The following ZFYVE1 variants were observed in gnomAD, a reference collection of about 807,000 sequenced individuals.
ZFYVE1 encodes zinc finger FYVE domain-containing protein 1.
Under a neutral mutation model 74.4 loss-of-function variants are expected in ZFYVE1, and 30 were observed. The ratio of observed to expected loss-of-function variants is 0.40; its 90% CI spans 0.30 to 0.55. The LOEUF (loss-of-function observed/expected upper bound fraction) is 0.55, where lower values mean the gene tolerates loss of function less well. ZFYVE1 is among the 20% of genes least tolerant of loss of function. The pLI is 0.42. For synonymous variants in ZFYVE1, 335 were observed against 385.1 expected (o/e 0.87, Z 1.52); for missense variants, 703 against 1,011.6 (o/e 0.69, Z 4.14).
intron 2 of ZFYVE1, among the ~76,000 whole-genome samples, chr14:73,011,313 C>A (rs942969051): frequency 6.6e-6 from 1 of 151,812 alleles, no homozygotes; most frequent in Non-Finnish European, 1.5e-5. Flanking sequence ...TGACAAAACC[C>A]CATCTCTACT....
intron 2 of ZFYVE1, among the ~76,000 whole-genome samples, chr14:73,007,075 A>C (rs974355271): frequency 6.6e-6 from 1 of 152,114 alleles, no homozygotes; most frequent in African/African-American, 2.4e-5. Flanking sequence ...CTGCGACCCA[A>C]GCAGGCCAAG....
chr14:72,976,796 A>T (rs1475243324), intron 8 of ZFYVE1, among the ~76,000 whole-genome samples: 1 of 151,956 alleles, frequency 6.6e-6, no homozygotes, highest in Non-Finnish European at 1.5e-5. Context: ...AAAAAAAAAA[A>T]AAAGTTTAAA....
chr14:73,019,420 A>AT (rs1894269003), intron 2 of ZFYVE1, among the ~76,000 whole-genome samples: 1 of 152,080 alleles, frequency 6.6e-6, no homozygotes. Flanking sequence ...CATCTAAAAA[A>AT]AAAATCCCTA....
intron 2 of ZFYVE1, among the ~76,000 whole-genome samples, chr14:73,016,131 T>C (rs1894196722): frequency 6.6e-6 from 1 of 151,946 alleles, no homozygotes; most frequent in Non-Finnish European, 1.5e-5. Flanking sequence ...CTTCTGACCT[T>C]TAACTTATTT....
chr14:72,983,038 T>A (rs1778556003), intron 4 of ZFYVE1, among the ~76,000 whole-genome samples: 1 of 152,008 alleles, frequency 6.6e-6, no homozygotes, highest in Non-Finnish European at 1.5e-5. Flanking sequence ...AGAAATGAGG[T>A]TTCACCATTT....
At chr14:73,016,710 C>T (rs576747953) in intron 2 of ZFYVE1, among the ~76,000 whole-genome samples, 3 of 149,310 alleles carry the variant, frequency 2.0e-5, no homozygotes, top group African/African-American at 4.9e-5. Context: ...GGTGAAACCT[C>T]GTCTCTACTA....
At chr14:72,997,191 CCT>C (rs1484642721) in intron 3 of ZFYVE1, among the ~76,000 whole-genome samples, 1 of 152,152 alleles carries the variant, frequency 6.6e-6, no homozygotes, top group Non-Finnish European at 1.5e-5. Context: ...TACATTCTTC[CCT>C]CTCTAATGAA....
rs768494702 is a variant in ZFYVE1 at position 72,993,363 on chromosome 14, C to T, written c.989-6G>A. The T allele has an allele frequency of 6.3e-7, 1 of 1,599,638 alleles. No homozygotes were observed. The highest frequency in any genetic ancestry group is 8.5e-7 in the Non-Finnish European group (1 of 1,173,578). On this transcript the variant is annotated splice_region_variant and splice_polypyrimidine_tract_variant and intron_variant, in intron 3 of 11. Coordinates refer to ENST00000556143, the MANE Select transcript of ZFYVE1 (RefSeq NM_021260.4). ...TGGCACCTCTGAGGGATGATCTATA[C>T]AAGCAGAAACACAGGCACATGGGTA... is the stretch of plus-strand genomic sequence containing the variant.
At chr14:72,993,021 C>T in intron 4 of ZFYVE1, 122 bp downstream of exon 4, 2 of 983,308 alleles carry the variant, frequency 2.0e-6, no homozygotes, top group Non-Finnish European at 2.9e-6. Context: ...TGTGCTTCCG[C>T]TTCTTATAAC....
intron 11 of ZFYVE1, among the ~76,000 whole-genome samples, chr14:72,972,303 A>C (rs1395341583): frequency 6.6e-6 from 1 of 152,214 alleles, no homozygotes; most frequent in Non-Finnish European, 1.5e-5. Flanking sequence ...AGAAGAAAGA[A>C]CATGCCTGAC....
intron 2 of ZFYVE1, among the ~76,000 whole-genome samples, chr14:73,011,216 G>A (rs1894085035): frequency 6.6e-6 from 1 of 151,354 alleles, no homozygotes; most frequent in African/African-American, 2.4e-5. Context: ...CTGGGGAGGT[G>A]GCTCACACCT....
rs1892985449 is a variant in ZFYVE1, at chr14:72,969,882, TCA to T, written c.*998_*999del. 3 of 616,534 alleles carry T rather than the reference TCA, an allele frequency of 4.9e-6. No individual in the cohort carries two copies. Among genetic ancestry groups the T allele is most frequent in the Non-Finnish European group, 8.6e-6 (3 of 347,764 alleles). The allele number at this position is 616,534 out of a possible 1,614,324, so 38.2% of individuals were successfully genotyped here. A position where few individuals can be genotyped will look rare whatever the true frequency, so the allele number is the denominator to read the frequency against. Reference sequence around the variant, plus strand: ...AAACAACTAACAGTTCATCCTGTGCTCAGTTTCCCTGGAAGGTTTCTCATGAT... The same window carrying T: ...AAACAACTAACAGTTCATCCTGTGCTGTTTCCCTGGAAGGTTTCTCATGAT... On this transcript the variant is annotated 3_prime_UTR_variant, in exon 12 of 12. Coordinates refer to ENST00000556143, the MANE Select transcript of ZFYVE1 (RefSeq NM_021260.4).
At position 72,970,960 on chromosome 14, in the gene ZFYVE1, G is replaced by A. The variant is rs151299774; in HGVS notation, c.2256C>T (p.Arg752=). Residue 752 remains arginine (R), a synonymous_variant, in exon 12 of 12, where the codon CGC becomes CGT. Transcript: ENST00000556143. ...QGFCDECSHD[R]RAVPSRGWDH... ...CCCAGCCACGAGAAGGAACAGCCCG[G>A]CGGTCATGGGAGCACTCATCACAGA... 4.3e-6 allele frequency: 7 copies of A among 1,614,260 alleles called. No individual in the cohort carries two copies. Among genetic ancestry groups the A allele is most frequent in the Middle Eastern group, 1.6e-4 (1 of 6,062 alleles).
Position 73,024,735 on chromosome 14 carries a change from T to G in ZFYVE1, c.-227A>C. The G allele has an allele frequency of 1.7e-6, 1 of 574,414 alleles. No individual in the cohort carries two copies. Among genetic ancestry groups the G allele is most frequent in the Non-Finnish European group, 2.8e-6 (1 of 352,456 alleles). The allele number at this position is 574,414 out of a possible 1,614,324, so 35.6% of individuals were successfully genotyped here. A position where few individuals can be genotyped will look rare whatever the true frequency, so the allele number is the denominator to read the frequency against. ...GTATTAGCAGCAACGTTGATTTGGTTTGATGGTTTCATCCTCCATAAAGTG... is the reference window on the plus strand; with the variant it reads ...GTATTAGCAGCAACGTTGATTTGGTGTGATGGTTTCATCCTCCATAAAGTG... On this transcript the variant is annotated 5_prime_UTR_variant, in exon 2 of 12. Transcript: ENST00000556143.
At chr14:73,025,571 G>A (rs1238688790) in intron 1 of ZFYVE1, among the ~76,000 whole-genome samples, 3 of 151,110 alleles carry the variant, frequency 2.0e-5, no homozygotes, top group East Asian at 2.0e-4. Flanking sequence ...TGGCAGGCAC[G>A]TGTAATCCAA....
At chr14:72,996,788 T>G (rs1893758885) in intron 3 of ZFYVE1, among the ~76,000 whole-genome samples, 2 of 152,200 alleles carry the variant, frequency 1.3e-5, no homozygotes, top group African/African-American at 4.8e-5. Flanking sequence ...CCAACTAGAC[T>G]GTGAGCTCTT....
At chr14:72,995,952 T>C (rs1893733168) in intron 3 of ZFYVE1, among the ~76,000 whole-genome samples, 2 of 152,132 alleles carry the variant, frequency 1.3e-5, no homozygotes, top group South Asian at 4.1e-4. Context: ...CCAGGGAATC[T>C]TTTGAAAATA....
At chr14:72,978,548 C>T (rs1177404432) in intron 6 of ZFYVE1, among the ~76,000 whole-genome samples, 4 of 105,210 alleles carry the variant, frequency 3.8e-5, no homozygotes, top group African/African-American at 1.5e-4. Flanking sequence ...GCCTGGCTGA[C>T]AGAGCAAGAC....
At chr14:73,021,978 T>C (rs1490787471) in intron 2 of ZFYVE1, among the ~76,000 whole-genome samples, 1 of 152,166 alleles carries the variant, frequency 6.6e-6, no homozygotes, top group Non-Finnish European at 1.5e-5. Context: ...GGGTTACTAG[T>C]TCATCCCAAA....
Sources: gnomAD v4.1 joint callset for allele counts (sites outside exome capture counted in the v4.1 genomes callset) on GRCh38, gnomAD v4.1.1 for gene constraint, MANE v1.5 for transcripts, NCBI Gene and HGNC (gene_info 2026-07-23, HGNC 2026-07-21) for gene names.